The following CNBD1 variants were observed in gnomAD, a reference collection of about 807,000 sequenced individuals.
CNBD1 encodes the protein cyclic nucleotide binding domain containing 1, also known as cyclic nucleotide-binding domain-containing protein 1.
A neutral mutation model predicts 54.4 loss-of-function variants in CNBD1; 71 were observed. That is an observed-to-expected ratio of 1.30 (90% CI 1.08 to 1.59). The LOEUF (loss-of-function observed/expected upper bound fraction) is 1.59, where lower values mean the gene tolerates loss of function less well. Among genes scored for constraint, CNBD1 ranks in the 40% most tolerant of loss-of-function variants. The pLI is 0.00. For missense variants in CNBD1, 659 were observed against 518.0 expected (o/e 1.27, Z -2.64); for synonymous variants, 182 against 170.7 (o/e 1.07, Z -0.51).
intron 4 of CNBD1, among the ~76,000 whole-genome samples, chr8:87,011,090 C>CT (rs1809210475): frequency 6.6e-6 from 1 of 151,312 alleles, no homozygotes; most frequent in South Asian, 2.1e-4. Context: ...CTCATTGAGC[C>CT]TTTCTAGGGT....
At chr8:87,164,522 T>G (rs1812921970) in intron 4 of CNBD1, among the ~76,000 whole-genome samples, 1 of 151,738 alleles carries the variant, frequency 6.6e-6, no homozygotes. Context: ...TCAGTTCTGG[T>G]AGGTTCTATT....
intron 5 of CNBD1, among the ~76,000 whole-genome samples, chr8:87,225,378 G>C (rs1814458211): frequency 6.6e-6 from 1 of 152,008 alleles, no homozygotes; most frequent in East Asian, 1.9e-4. Flanking sequence ...TTGGCTGTGG[G>C]TTTGTCATAG....
intron 5 of CNBD1, among the ~76,000 whole-genome samples, chr8:87,219,383 G>C (rs1237048512): frequency 1.3e-5 from 2 of 151,996 alleles, no homozygotes; most frequent in Non-Finnish European, 2.9e-5. Flanking sequence ...ATGTGGACGT[G>C]ATTACACAGA....
At chr8:87,138,402 C>T (rs548068450) in intron 4 of CNBD1, among the ~76,000 whole-genome samples, 1 of 152,248 alleles carries the variant, frequency 6.6e-6, no homozygotes, top group African/African-American at 2.4e-5. Flanking sequence ...CTGCTGAATT[C>T]CTGTCAAAGA....
chr8:86,893,665 A>G (rs1808805669), intron 2 of CNBD1, among the ~76,000 whole-genome samples: 1 of 152,216 alleles, frequency 6.6e-6, no homozygotes, highest in Non-Finnish European at 1.5e-5. Context: ...AAAAAAAAGC[A>G]ACCCTATTAG....
intron 4 of CNBD1, among the ~76,000 whole-genome samples, chr8:86,949,037 G>A (rs893414073): frequency 4.6e-5 from 7 of 152,066 alleles, no homozygotes; most frequent in African/African-American, 7.2e-5. Flanking sequence ...TCTTGGTACC[G>A]TTGTCAAAAA....
intron 4 of CNBD1, among the ~76,000 whole-genome samples, chr8:87,025,802 A>G (rs945130315): frequency 5.3e-5 from 8 of 152,156 alleles, no homozygotes; most frequent in Non-Finnish European, 5.9e-5. Flanking sequence ...CGGACACACC[A>G]TCTTTAAGAA....
At chr8:86,895,893 AT>A (rs776219774) in intron 2 of CNBD1, among the ~76,000 whole-genome samples, 3 of 152,080 alleles carry the variant, frequency 2.0e-5, no homozygotes, top group East Asian at 1.9e-4. Flanking sequence ...TTTCTATGTC[AT>A]TTCTGTGTCT....
intron 6 of CNBD1, among the ~76,000 whole-genome samples, chr8:87,241,508 G>A (rs1378429283): frequency 6.6e-6 from 1 of 151,954 alleles, no homozygotes; most frequent in South Asian, 2.1e-4. Context: ...TCCTGACCTC[G>A]TGATCCACCC....
chr8:87,327,249 G>A (rs1450408416), intron 8 of CNBD1, among the ~76,000 whole-genome samples: 15 of 147,976 alleles, frequency 1.0e-4, no homozygotes, highest in African/African-American at 3.5e-4. Flanking sequence ...GGTTACTGCT[G>A]TCTTTTTGTT....
intron 10 of CNBD1, among the ~76,000 whole-genome samples, chr8:87,376,653 C>A (rs1246795889): frequency 1.3e-5 from 2 of 151,894 alleles, no homozygotes; most frequent in South Asian, 2.1e-4. Flanking sequence ...ATAGCTAAAG[C>A]AGTGATTATT....
intron 8 of CNBD1, among the ~76,000 whole-genome samples, chr8:87,340,658 A>C (rs1031251153): frequency 6.6e-6 from 1 of 151,994 alleles, no homozygotes; most frequent in Non-Finnish European, 1.5e-5. Flanking sequence ...AAAATTTCAA[A>C]TTACCTATCT....
intron 3 of CNBD1, among the ~76,000 whole-genome samples, chr8:86,926,103 G>A (rs1809355710): frequency 6.6e-6 from 1 of 152,044 alleles, no homozygotes. Flanking sequence ...CTGCTGATTG[G>A]TGAGTTTTAC....
chr8:87,394,753 G>T (rs1002757401), intron 2 of CNBD1, among the ~76,000 whole-genome samples: 3 of 151,786 alleles, frequency 2.0e-5, no homozygotes, highest in African/African-American at 4.8e-5. Flanking sequence ...ATTGTTTTAA[G>T]TTTAAGATAA....
chr8:87,144,758 TTGCAG>T (rs1812446859), intron 4 of CNBD1, among the ~76,000 whole-genome samples: 1 of 150,070 alleles, frequency 6.7e-6, no homozygotes, highest in African/African-American at 2.5e-5. Context: ...GAGGCAGAGC[TTGCAG>T]TGAGCCAAAT....
At chr8:86,952,563 AAAAG>A (rs1331180813) in intron 4 of CNBD1, among the ~76,000 whole-genome samples, 2 of 152,006 alleles carry the variant, frequency 1.3e-5, no homozygotes, top group African/African-American at 4.8e-5. Context: ...TATCAAATGA[AAAAG>A]AAAGAATATA....
At chr8:87,303,622 C>A (rs902790557) in intron 8 of CNBD1, among the ~76,000 whole-genome samples, 3 of 148,946 alleles carry the variant, frequency 2.0e-5, no homozygotes, top group Non-Finnish European at 2.9e-5. Flanking sequence ...ACAACAAAAG[C>A]CAAAATTGAC....
At chr8:87,288,454 A>G (rs1034925069) in intron 8 of CNBD1, among the ~76,000 whole-genome samples, 1 of 152,040 alleles carries the variant, frequency 6.6e-6, no homozygotes, top group Non-Finnish European at 1.5e-5. Context: ...AAAAGAGGAA[A>G]GAGACCATCA....
At chr8:87,270,723 G>A (rs560335570) in intron 6 of CNBD1, among the ~76,000 whole-genome samples, 2 of 151,812 alleles carry the variant, frequency 1.3e-5, no homozygotes, top group South Asian at 2.1e-4. Flanking sequence ...TTTTTTGGCT[G>A]TGTCCTAGTC....
Sources: allele counts gnomAD v4.1 joint callset (sites outside exome capture counted in the v4.1 genomes callset), GRCh38; gene constraint gnomAD v4.1.1; transcripts MANE v1.5; gene names NCBI Gene and HGNC (gene_info 2026-07-23, HGNC 2026-07-21).